The following SNX8 variants were observed in gnomAD, a reference collection of about 807,000 sequenced individuals.
SNX8 encodes sorting nexin-8.
In SNX8, 25 loss-of-function variants were observed where a neutral mutation model predicts 51.6. That is an observed-to-expected ratio of 0.48 (90% CI 0.35 to 0.68). SNX8 has a LOEUF of 0.68. Among genes scored for constraint, SNX8 ranks in the 30% least tolerant of loss-of-function variants. The probability of loss-of-function intolerance (pLI) is 0.00; values close to 1 mark genes in which losing one functional copy is unlikely to be tolerated. For synonymous variants in SNX8, 324 were observed against 277.0 expected (o/e 1.17, Z -1.68); for missense variants, 695 against 624.0 (o/e 1.11, Z -1.21).
At chr7:2,278,557 T>C (rs754088911) in intron 1 of SNX8, among the ~76,000 whole-genome samples, 5 of 152,204 alleles carry the variant, frequency 3.3e-5, no homozygotes, top group Non-Finnish European at 7.3e-5. Context: ...GGCCACGTCA[T>C]GCAACAGGTC....
chr7:2,353,446 CATTTT>C (rs916368700), intron 1 of SNX8, among the ~76,000 whole-genome samples: 25 of 150,074 alleles, frequency 1.7e-4, no homozygotes, highest in African/African-American at 5.8e-4. Context: ...ACCTTTTTGG[CATTTT>C]ATTTTATTTT....
intron 7 of SNX8, among the ~76,000 whole-genome samples, chr7:2,259,152 A>G (rs1039189139): frequency 5.3e-5 from 8 of 152,190 alleles, no homozygotes; most frequent in African/African-American, 1.9e-4. Flanking sequence ...TGGAGACAGC[A>G]GGGGTCTGGG....
upstream of SNX8, among the ~76,000 whole-genome samples, chr7:2,316,795 A>C (rs1278260532): frequency 6.6e-6 from 1 of 151,794 alleles, no homozygotes; most frequent in Non-Finnish European, 1.5e-5. Context: ...CCACCCACTC[A>C]CTCACTCACT....
Position 2,256,990 on chromosome 7 carries a change from T to A in SNX8, c.1168A>T (p.Asn390Tyr). 2 of 1,611,978 alleles carry A rather than the reference T, an allele frequency of 1.2e-6. No homozygotes were observed. The highest frequency in any genetic ancestry group is 2.2e-5 in the East Asian group (1 of 44,802). Residue 390 changes from asparagine to tyrosine, a missense_variant, in exon 10 of 11, where the codon AAC (asparagine) becomes TAC (tyrosine). Asn to Tyr is a moderately radical substitution (Grantham distance 143, BLOSUM62 -2). Transcript: ENST00000222990. ...ENAIQTMELR[N>Y]YFSLYCLHQE... ...TGCAGGCAGTACAGGGAGAAGTAGT[T>A]CCGCAGCTCCATCGTCTGAATCGCG...
At position 2,307,165 on chromosome 7, in the gene SNX8, A is replaced by ACCCCT. The variant is rs543045068; in HGVS notation, c.94+7158_94+7162dup. Among the ~76,000 whole-genome samples, 259 of 151,288 alleles carry ACCCCT rather than the reference A, an allele frequency of 1.7e-3. 1 individual carries two copies. The highest frequency in any genetic ancestry group is 4.9e-3 in the African/African-American group (200 of 41,174). On this transcript the variant is annotated intron_variant, in intron 1 of 10. Transcript: ENST00000222990. ...CAGATCCTCCCGGAGCTGAACACAC[A>ACCCCT]CCCCTCCTCAGTCCTCCCAAAAGGG...
intron 1 of SNX8, among the ~76,000 whole-genome samples, chr7:2,312,958 C>T (rs1021550917): frequency 9.2e-5 from 14 of 152,134 alleles, no homozygotes; most frequent in Admixed American, 5.9e-4. Context: ...AGTGCAGTGG[C>T]GCTATCTCGG....
Position 2,257,756 on chromosome 7 carries a change from CAAG to C in SNX8, c.960_962del (p.Phe320del). On this transcript the variant is annotated inframe_deletion, in exon 8 of 11. Coordinates refer to ENST00000222990, the MANE Select transcript of SNX8 (RefSeq NM_013321.4). ...TCACCTTATAGGACTGCAGCAGATC[CAAG>C]AAGAGGTTCAGCTTCTCCACCACGT... 1.2e-6 allele frequency: 2 copies of C among 1,614,070 alleles called. No individual in the cohort carries two copies. Among genetic ancestry groups the C allele is most frequent in the Non-Finnish European group, 1.7e-6 (2 of 1,180,006 alleles).
chr7:2,257,950 G>A (rs1422445746), intron 7 of SNX8, 147 bp from the exon 8 acceptor site: 3 of 688,936 alleles, frequency 4.4e-6, no homozygotes, highest in Non-Finnish European at 7.5e-6. Flanking sequence ...TCTGCAGGGG[G>A]CCCCCTTCCC....
chr7:2,274,087 G>A (rs1024873539), intron 3 of SNX8, among the ~76,000 whole-genome samples: 1 of 152,200 alleles, frequency 6.6e-6, no homozygotes, highest in Non-Finnish European at 1.5e-5. Flanking sequence ...TCATCAACTC[G>A]GATGCCCAGG....
chr7:2,352,888 G>A (rs1047929189), intron 1 of SNX8, among the ~76,000 whole-genome samples: 1 of 152,110 alleles, frequency 6.6e-6, no homozygotes, highest in African/African-American at 2.4e-5. Flanking sequence ...GGAAACTGAG[G>A]TGGAGGCATT....
At chr7:2,312,571 C>T (rs1420568490) in intron 1 of SNX8, among the ~76,000 whole-genome samples, 1 of 152,036 alleles carries the variant, frequency 6.6e-6, no homozygotes, top group African/African-American at 2.4e-5. Context: ...CTGAAAGGCC[C>T]TTCTTTCTAG....
In SNX8 at chr7:2,252,498, G is replaced by C. The variant is rs1250840479; in HGVS notation, c.*2558C>G. 6.6e-6 allele frequency: 1 copy of C among 152,408 alleles called. No homozygotes were observed. Among genetic ancestry groups the C allele is most frequent in the Non-Finnish European group, 1.5e-5 (1 of 68,210 alleles). 9.4% of individuals were successfully genotyped at this position (152,408 alleles called of 1,614,324 possible). On this transcript the variant is annotated 3_prime_UTR_variant, in exon 11 of 11. Coordinates refer to ENST00000222990, the MANE Select transcript of SNX8 (RefSeq NM_013321.4). The stretch of plus-strand genomic sequence containing the variant: ...GCCCTTTAGAAGGCACTGGGTGGCA[G>C]AGGAGGAAGGGGAGGGAGGTGTTCC...
At chr7:2,348,094 T>C (rs114539851) in intron 1 of SNX8, among the ~76,000 whole-genome samples, 30 of 152,224 alleles carry the variant, frequency 2.0e-4, no homozygotes, top group African/African-American at 7.2e-4. Context: ...GGCTTCCTAC[T>C]ATGTAAGGAA....
intron 3 of SNX8, among the ~76,000 whole-genome samples, chr7:2,272,428 G>A (rs1048254983): frequency 1.3e-5 from 2 of 151,114 alleles, no homozygotes; most frequent in Admixed American, 1.3e-4. Flanking sequence ...AGGCTGGAGT[G>A]CAGTGGCGCA....
At chr7:2,332,208 GA>G (rs1166165078) in intron 1 of SNX8, among the ~76,000 whole-genome samples, 4 of 149,844 alleles carry the variant, frequency 2.7e-5, no homozygotes, top group Non-Finnish European at 4.4e-5. Flanking sequence ...GGCTGTCTCA[GA>G]AAAAAATATA....
chr7:2,272,090 G>T lies in SNX8; in HGVS notation c.419-119C>A, dbSNP rs899174585. The T allele has an allele frequency of 2.9e-5, 40 of 1,389,350 alleles. No homozygotes were observed. The African/African-American group carries it at 3.7e-4, about 13-fold the overall frequency. 86.1% of individuals were successfully genotyped at this position (1,389,350 alleles called of 1,614,324 possible). A position where few individuals can be genotyped will look rare whatever the true frequency, so the allele number is the denominator to read the frequency against. On this transcript the variant is annotated intron_variant, in intron 3 of 10. Transcript: ENST00000222990. ...CAGAGGGCCCAGCGGCTAGCAGAGG[G>T]CACTGGCTGGGCCCCCAGTGCTGCT...
At chr7:2,295,592 C>CAAAA (rs147853805) in intron 1 of SNX8, among the ~76,000 whole-genome samples, 1 of 93,538 alleles carries the variant, frequency 1.1e-5, no homozygotes, top group African/African-American at 4.8e-5. Flanking sequence ...GTAATCCCAG[C>CAAAA]AAAAAAAAAA....
chr7:2,307,767 C>G (rs2115200086), intron 1 of SNX8: 1 of 152,262 alleles, frequency 6.6e-6, no homozygotes, highest in African/African-American at 2.4e-5. Flanking sequence ...TGGCTCCTCT[C>G]AGACACAGCA....
intron 1 of SNX8, among the ~76,000 whole-genome samples, chr7:2,291,903 G>A (rs55868630): frequency 2.0e-5 from 3 of 152,312 alleles, no homozygotes; most frequent in Non-Finnish European, 4.4e-5. Flanking sequence ...GCCTATCATG[G>A]GAGGAGCACA....
Sources: allele counts gnomAD v4.1 joint callset (sites outside exome capture counted in the v4.1 genomes callset), GRCh38; gene constraint gnomAD v4.1.1; transcripts MANE v1.5; gene names NCBI Gene and HGNC (gene_info 2026-07-23, HGNC 2026-07-21).